The following SLK variants were observed in gnomAD, a reference collection of about 807,000 sequenced individuals.
SLK encodes the protein STE20-like serine/threonine-protein kinase.
A neutral mutation model predicts 147.7 loss-of-function variants in SLK; 67 were observed. The observed-to-expected ratio is 0.45, with a 90% CI of 0.37 to 0.56. The LOEUF is 0.56. SLK is among the 20% of genes least tolerant of loss of function. The pLI, the probability that SLK is intolerant of heterozygous loss-of-function variation, is 0.00. For synonymous variants in SLK, 441 were observed against 475.0 expected (o/e 0.93, Z 0.93); for missense variants, 1,136 against 1,438.8 (o/e 0.79, Z 3.41).
In SLK at chr10:104,018,288, A is replaced by C; in HGVS notation, c.3006A>C (p.Arg1002Ser). 6.3e-7 allele frequency: 1 copy of C among 1,595,522 alleles called. No homozygotes were observed. Among genetic ancestry groups the C allele is most frequent in the South Asian group, 1.1e-5 (1 of 87,050 alleles). Residue 1002 changes from arginine to serine, a missense_variant and splice_region_variant, in exon 14 of 19, where the codon AGA becomes AGC. Transcript: ENST00000369755. ...ECLNNKQQLM[R>S]AREAAIWELE... ...TGAATAACAAGCAACAGCTCATGAG[A>C]GGTAATTTTTTTAAAATTAAGAAAT...
intron 6 of SLK, 40 bp from the exon 7 acceptor site, chr10:103,999,826 CA>C: frequency 1.2e-6 from 1 of 848,036 alleles, no homozygotes; most frequent in Admixed American, 2.2e-5. Context: ...ATTTGATTAA[CA>C]AGAAAGTAAA....
At chr10:103,979,204 A>G (rs965045636) in intron 1 of SLK, among the ~76,000 whole-genome samples, 2 of 152,084 alleles carry the variant, frequency 1.3e-5, no homozygotes, top group Non-Finnish European at 2.9e-5. Flanking sequence ...TTTAGTAGAG[A>G]TGGGGTTTCG....
At chr10:103,980,983 A>G (rs1843933851) in intron 1 of SLK, among the ~76,000 whole-genome samples, 1 of 152,032 alleles carries the variant, frequency 6.6e-6, no homozygotes, top group Non-Finnish European at 1.5e-5. Context: ...ATCTTTACCT[A>G]TACTTGTTCT....
chr10:103,967,832 C>T lies in SLK; in HGVS notation c.87C>T (p.Asn29=). 1 of 1,614,102 alleles carries T rather than the reference C, an allele frequency of 6.2e-7. No homozygotes were observed. ...KQYEHVKRDL[N]PEDFWEIIGE... Reference sequence around the variant, plus strand: ...ACGAACACGTGAAGAGGGACCTGAACCCCGAAGACTTTTGGGAGATTATAG... The same window carrying T: ...ACGAACACGTGAAGAGGGACCTGAATCCCGAAGACTTTTGGGAGATTATAG... The change falls in exon 1 of 19, where the codon AAC becomes AAT. Residue 29 remains asparagine, a synonymous_variant. Transcript: ENST00000369755.
intron 12 of SLK, among the ~76,000 whole-genome samples, chr10:104,010,295 T>C (rs1844383373): frequency 6.6e-6 from 1 of 152,204 alleles, no homozygotes; most frequent in African/African-American, 2.4e-5. Flanking sequence ...TTATTTCTCC[T>C]TTGTGTATTC....
At position 103,996,016 on chromosome 10, in the gene SLK, T is replaced by C. The variant is rs72821421; in HGVS notation, c.514+2883T>C. Among the ~76,000 whole-genome samples, 591 of 152,366 alleles carry C rather than the reference T, an allele frequency of 3.9e-3. 4 individuals are homozygous for C. Among genetic ancestry groups the C allele is most frequent in the Middle Eastern group, 0.037 (11 of 294 alleles). ...GTTTAGGATACCTCATAATTCATTT[T>C]AACCCTCATTTCTATATTTAATGCT... On this transcript the variant is annotated intron_variant, in intron 4 of 18. Coordinates refer to ENST00000369755, the MANE Select transcript of SLK (RefSeq NM_014720.4).
chr10:103,971,547 G>T (rs920889267), intron 1 of SLK, among the ~76,000 whole-genome samples: 5 of 152,156 alleles, frequency 3.3e-5, no homozygotes, highest in African/African-American at 7.2e-5. Context: ...GTTGGGATTA[G>T]AGGCATGAGC....
At position 104,026,442 on chromosome 10, in the gene SLK, A is replaced by G. The variant is rs1432044686; in HGVS notation, c.*722A>G. 1.3e-5 allele frequency: 2 copies of G among 152,560 alleles called. No homozygotes were observed. The highest frequency in any genetic ancestry group is 2.9e-5 in the Non-Finnish European group (2 of 68,018). The allele number at this position is 152,560 out of a possible 1,614,324, so 9.5% of individuals were successfully genotyped here. Reference sequence around the variant, plus strand: ...GAATTAAAAACATGGTTGTTTTGGAATTTTTGCTTCTCTTACCGTTTGATA... The same window carrying G: ...GAATTAAAAACATGGTTGTTTTGGAGTTTTTGCTTCTCTTACCGTTTGATA... On this transcript the variant is annotated 3_prime_UTR_variant, in exon 19 of 19. Transcript: ENST00000369755.
At chr10:103,980,798 A>G (rs1284261194) in intron 1 of SLK, among the ~76,000 whole-genome samples, 3 of 152,178 alleles carry the variant, frequency 2.0e-5, no homozygotes, top group African/African-American at 4.8e-5. Context: ...TGGGTGTACA[A>G]GTATCTCTTT....
Position 104,003,526 on chromosome 10 carries a change from A to G in SLK, c.2348A>G (p.Gln783Arg), listed in dbSNP as rs771073340. 6.4e-7 allele frequency: 1 copy of G among 1,559,834 alleles called. No homozygotes were observed. The highest frequency in any genetic ancestry group is 1.2e-5 in the South Asian group (1 of 82,150). The change falls in exon 9 of 19, where the codon CAA becomes CGA. Residue 783 changes from glutamine (Q) to arginine (R), a missense_variant and splice_region_variant. Around this residue, in one of 6 missense-constraint regions of SLK, gnomAD observed 516 missense variants for 531.3 expected, o/e 0.97. Transcript: ENST00000369755. The stretch of plus-strand genomic sequence containing the variant: ...AAAGACAGTGGATCGATATCTTTAC[A>G]AGTAAGTGTACATGAGTCATTGTTT... ...KTKDSGSISL[Q>R]ETRRQKKTLK...
At chr10:103,988,250 GA>G (rs917446402) in intron 1 of SLK, among the ~76,000 whole-genome samples, 9 of 152,308 alleles carry the variant, frequency 5.9e-5, no homozygotes, top group Admixed American at 5.9e-4. Flanking sequence ...GTTTCAGGAA[GA>G]AAAGGTGGAA....
intron 1 of SLK, among the ~76,000 whole-genome samples, chr10:103,972,361 C>T (rs1410462225): frequency 2.6e-5 from 4 of 152,116 alleles, no homozygotes; most frequent in African/African-American, 9.7e-5. Flanking sequence ...AGTTTACATT[C>T]CCACCAGCAG....
At chr10:103,973,384 TACC>T (rs935159980) in intron 1 of SLK, among the ~76,000 whole-genome samples, 68 of 152,352 alleles carry the variant, frequency 4.5e-4, no homozygotes, top group African/African-American at 1.6e-3. Flanking sequence ...TCTATTCCTA[TACC>T]AGTATCCCAC....
rs576203801 is a variant in SLK, at chr10:103,975,981, C to T, written c.150+8086C>T. ...TGTCATCCAGGCCGGAGTGCAGTGGCGCGATCAACTCCCCAGGCTCAGGTG... is the reference window on the plus strand; with the variant it reads ...TGTCATCCAGGCCGGAGTGCAGTGGTGCGATCAACTCCCCAGGCTCAGGTG... On this transcript the variant is annotated intron_variant, in intron 1 of 18. Coordinates refer to ENST00000369755, the MANE Select transcript of SLK (RefSeq NM_014720.4). Among the ~76,000 whole-genome samples, 7 of 152,136 alleles carry T rather than the reference C, an allele frequency of 4.6e-5. No homozygotes were observed. In the East Asian group the frequency reaches 5.8e-4, roughly 13 times the overall value.
At chr10:103,978,238 T>C (rs1843895680) in intron 1 of SLK, among the ~76,000 whole-genome samples, 1 of 152,172 alleles carries the variant, frequency 6.6e-6, no homozygotes, top group African/African-American at 2.4e-5. Context: ...AAAGTTATTG[T>C]TTATGTGCTG....
intron 13 of SLK, among the ~76,000 whole-genome samples, chr10:104,012,207 A>T (rs568657460): frequency 3.5e-4 from 53 of 152,110 alleles, no homozygotes; most frequent in Non-Finnish European, 4.1e-4. Flanking sequence ...CATTAAAAAA[A>T]TTTTTTTTTA....
At chr10:104,021,781 C>T (rs768287228) in intron 18 of SLK, 48 bp downstream of exon 18, 1 of 973,760 alleles carries the variant, frequency 1.0e-6, no homozygotes, top group Non-Finnish European at 1.6e-6. Context: ...ACTCGTCCGT[C>T]TACCCAGCTA....
In SLK at chr10:104,010,801, G is replaced by A; in HGVS notation, c.2785-15G>A. The A allele has an allele frequency of 6.7e-7, 1 of 1,500,524 alleles. No individual in the cohort carries two copies. The highest frequency in any genetic ancestry group is 2.4e-5 in the Admixed American group (1 of 41,678). 93.0% of individuals were successfully genotyped at this position (1,500,524 alleles called of 1,614,324 possible). A position where few individuals can be genotyped will look rare whatever the true frequency, so the allele number is the denominator to read the frequency against. Reference sequence around the variant, plus strand: ...AGTATCATTTCCCCACCTCCTGCATGCTTATACACTGTAGGTTATAAATGA... The same window carrying A: ...AGTATCATTTCCCCACCTCCTGCATACTTATACACTGTAGGTTATAAATGA... On this transcript the variant is annotated splice_polypyrimidine_tract_variant and intron_variant, in intron 12 of 18. Coordinates refer to ENST00000369755, the MANE Select transcript of SLK (RefSeq NM_014720.4).
chr10:104,015,618 G>T (rs995798062), intron 13 of SLK, among the ~76,000 whole-genome samples: 1 of 152,180 alleles, frequency 6.6e-6, no homozygotes, highest in South Asian at 2.1e-4. Flanking sequence ...ATTAATTTTA[G>T]TAACCTTCTA....
Sources: allele counts gnomAD v4.1 joint callset (sites outside exome capture counted in the v4.1 genomes callset), GRCh38; gene constraint gnomAD v4.1.1; regional missense constraint gnomAD v4.1.1; transcripts MANE v1.5; gene names NCBI Gene and HGNC (gene_info 2026-07-23, HGNC 2026-07-21).